Variants in PRDM1 observed in about 807,000 individuals in gnomAD.
PRDM1 encodes the protein PR/SET domain 1.
A neutral mutation model predicts 62.8 loss-of-function variants in PRDM1; 13 were observed. The observed-to-expected ratio is 0.21, with a 90% CI of 0.13 to 0.33. The LOEUF (loss-of-function observed/expected upper bound fraction) is 0.33, where lower values mean the gene tolerates loss of function less well. Among genes scored for constraint, PRDM1 ranks in the 10% least tolerant of loss-of-function variants. The pLI, the probability that PRDM1 is intolerant of heterozygous loss-of-function variation, is 1.00. For missense variants in PRDM1, 895 were observed against 1,058.8 expected, an observed-to-expected ratio of 0.85 and a Z score of 2.15; for synonymous variants, 396 against 417.6, an observed-to-expected ratio of 0.95 and a Z score of 0.63.
intron 1 of PRDM1, among the ~76,000 whole-genome samples, chr6:106,079,258 C>T (rs1023670889): frequency 6.6e-6 from 1 of 151,962 alleles, no homozygotes; most frequent in Non-Finnish European, 1.5e-5. Context: ...AGCCACCGCG[C>T]CTGGTCTATT....
intron 1 of PRDM1, among the ~76,000 whole-genome samples, chr6:106,034,400 C>T (rs1417641801): frequency 5.9e-5 from 9 of 151,898 alleles, no homozygotes; most frequent in Non-Finnish European, 1.3e-4. Context: ...AAAATTTTCC[C>T]CCTTAGCAAT....
chr6:106,072,631 G>C (rs1339427912), intron 1 of PRDM1, among the ~76,000 whole-genome samples: 7 of 152,186 alleles, frequency 4.6e-5, no homozygotes, highest in Non-Finnish European at 1.0e-4. Flanking sequence ...CATCACTTTG[G>C]GGGGCTCTGC....
Position 106,049,684 on chromosome 6 carries a change from CCA to C in PRDM1, c.-67+987_-67+988del, listed in dbSNP as rs534982498. Among the ~76,000 whole-genome samples the C allele has an allele frequency of 4.6e-4, 69 of 150,832 alleles. 2 individuals carry two copies. In the South Asian group the frequency reaches 0.012, roughly 27 times the overall value. On this transcript the variant is annotated intron_variant, in intron 1 of 6. Coordinates refer to the PRDM1 transcript ENST00000651185. Reference sequence around the variant, plus strand: ...CTGAATTGCGTGCACATGCACATGGCCACACACACACACACACAAACACACAG... The same window carrying C: ...CTGAATTGCGTGCACATGCACATGGCCACACACACACACACAAACACACAG...
intron 2 of PRDM1, 81 bp from the exon 3 acceptor site, chr6:106,095,534 A>G (rs970480598): frequency 6.7e-7 from 1 of 1,496,784 alleles, no homozygotes; most frequent in Non-Finnish European, 9.1e-7. Flanking sequence ...TTACTACTTG[A>G]CAGTCCAATT....
chr6:106,010,462 G>A, intron 1 of PRDM1, among the ~76,000 whole-genome samples: 1 of 152,052 alleles, frequency 6.6e-6, no homozygotes, highest in East Asian at 1.9e-4. Flanking sequence ...GACAGTTATA[G>A]CCTTGTATCA....
At chr6:106,060,060 TC>T (rs1368246552) in intron 1 of PRDM1, among the ~76,000 whole-genome samples, 1 of 152,174 alleles carries the variant, frequency 6.6e-6, no homozygotes, top group African/African-American at 2.4e-5. Flanking sequence ...AGGGGAGTGT[TC>T]CAGGCTGGAG....
intron 1 of PRDM1, among the ~76,000 whole-genome samples, chr6:106,024,892 A>G (rs770341344): frequency 6.6e-6 from 1 of 152,210 alleles, no homozygotes; most frequent in Non-Finnish European, 1.5e-5. Context: ...AACCAACAAC[A>G]ACAAAATGGA....
chr6:106,073,544 A>G (rs11152958), intron 1 of PRDM1, among the ~76,000 whole-genome samples: 11,759 of 152,322 alleles, frequency 0.077, 514 homozygotes, highest in African/African-American at 0.11. Context: ...TCAGCTGGAC[A>G]GCGTTAAGGA....
intron 1 of PRDM1, among the ~76,000 whole-genome samples, chr6:106,080,463 AAGG>A (rs1343365979): frequency 6.6e-6 from 1 of 152,140 alleles, no homozygotes; most frequent in African/African-American, 2.4e-5. Flanking sequence ...ATGAGGAAGA[AAGG>A]AGAAGGAGAA....
intron 1 of PRDM1, among the ~76,000 whole-genome samples, chr6:106,080,794 T>G (rs1773681990): frequency 6.6e-6 from 1 of 152,228 alleles, no homozygotes; most frequent in African/African-American, 2.4e-5. Context: ...GGATCCTGCC[T>G]GAAAAGCACC....
chr6:106,017,139 G>A (rs1772632505), intron 1 of PRDM1, among the ~76,000 whole-genome samples: 1 of 152,058 alleles, frequency 6.6e-6, no homozygotes, highest in Non-Finnish European at 1.5e-5. Flanking sequence ...TATGTTATTG[G>A]TTCTGGTCAA....
At position 105,994,629 on chromosome 6, in the gene PRDM1, G is replaced by C. The variant is rs1026492172; in HGVS notation, c.-67+990G>C. The stretch of plus-strand genomic sequence containing the variant: ...CAGGTCCAGAGGACTCTCGAGATAG[G>C]TTTAGAGCCCGTCCTTTTGTCTGGA... On this transcript the variant is annotated intron_variant, in intron 1 of 6. Transcript: ENST00000652320. This position sits in a 1 kb window ranked among gnomAD's most constrained non-coding sequence, Gnocchi z 4.1. Among the ~76,000 whole-genome samples the C allele has an allele frequency of 6.6e-6, 1 of 152,156 alleles. No individual in the cohort carries two copies.
chr6:106,090,707 G>A (rs907136911), intron 2 of PRDM1, among the ~76,000 whole-genome samples: 1 of 152,162 alleles, frequency 6.6e-6, no homozygotes, highest in Non-Finnish European at 1.5e-5. Context: ...CATTGAAATA[G>A]GAAGAGTCTT....
chr6:106,071,136 G>A (rs1314077192), intron 1 of PRDM1, among the ~76,000 whole-genome samples: 1 of 152,098 alleles, frequency 6.6e-6, no homozygotes, highest in Non-Finnish European at 1.5e-5. Flanking sequence ...GCCAGGCGTG[G>A]TGGTGGGCAC....
At chr6:106,095,574 T>G in intron 2 of PRDM1, 41 bp from the exon 3 acceptor site, 1 of 1,601,334 alleles carries the variant, frequency 6.2e-7, no homozygotes, top group Non-Finnish European at 8.5e-7. Flanking sequence ...GTTAACATTT[T>G]ATAGTCAAAG....
chr6:106,101,812 G>A (rs11970427), intron 4 of PRDM1, among the ~76,000 whole-genome samples: 1 of 152,224 alleles, frequency 6.6e-6, no homozygotes, highest in Non-Finnish European at 1.5e-5. Flanking sequence ...TGATGGTTCA[G>A]GCGGTAGAGT....
intron 1 of PRDM1, among the ~76,000 whole-genome samples, chr6:106,064,102 A>AT (rs1773389652): frequency 6.6e-6 from 1 of 152,190 alleles, no homozygotes; most frequent in South Asian, 2.1e-4. Flanking sequence ...ATAGCATTGT[A>AT]TTTTCCACCA....
intron 1 of PRDM1, among the ~76,000 whole-genome samples, chr6:106,068,096 C>CTT (rs201806827): frequency 1.2e-4 from 17 of 145,274 alleles, no homozygotes; most frequent in Admixed American, 9.0e-4. Context: ...CCACCCTGTT[C>CTT]TTTTTTTTTT....
At chr6:106,054,708 C>G (rs1393397617) in intron 1 of PRDM1, among the ~76,000 whole-genome samples, 1 of 152,144 alleles carries the variant, frequency 6.6e-6, no homozygotes, top group Non-Finnish European at 1.5e-5. Context: ...AGAATAGCTA[C>G]AGGCAGTTTA....
Sources: allele counts gnomAD v4.1 joint callset (sites outside exome capture counted in the v4.1 genomes callset), GRCh38; gene constraint gnomAD v4.1.1; non-coding constraint Gnocchi (gnomAD v3.1); transcripts MANE v1.5; gene names NCBI Gene and HGNC (gene_info 2026-07-23, HGNC 2026-07-21).